The following HSD3B2 variants were observed in gnomAD, a reference collection of about 807,000 sequenced individuals.
HSD3B2 encodes 3 beta-hydroxysteroid dehydrogenase/Delta 5-->4-isomerase type 2.
HSD3B2 carries 8 observed loss-of-function variants against 9.9 expected under a neutral mutation model. That is an observed-to-expected ratio of 0.81 (90% confidence interval 0.47 to 1.46). HSD3B2 has a LOEUF of 1.46. HSD3B2 is among the 40% of genes most tolerant of loss of function. The pLI, the probability that HSD3B2 is intolerant of heterozygous loss-of-function variation, is 0.00. For missense variants in HSD3B2, 410 were observed against 448.3 expected, an observed-to-expected ratio of 0.91 and a Z score of 0.77; for synonymous variants, 221 against 184.5, an observed-to-expected ratio of 1.20 and a Z score of -1.60.
Position 119,422,895 on chromosome 1 carries a change from TC to T in HSD3B2, c.*276del, listed in dbSNP as rs1304695339. The T allele has an allele frequency of 1.7e-4, 95 of 547,054 alleles. No homozygotes were observed. Among genetic ancestry groups the T allele is most frequent in the African/African-American group, 1.4e-3 (75 of 53,214 alleles). 33.9% of individuals were successfully genotyped at this position (547,054 alleles called of 1,614,324 possible). On this transcript the variant is annotated 3_prime_UTR_variant, in exon 4 of 4. Coordinates refer to ENST00000369416, the MANE Select transcript of HSD3B2 (RefSeq NM_000198.4). The stretch of plus-strand genomic sequence containing the variant: ...GCTGATTCTGAACAATTGTGGTCTC[TC>T]TTAACTTGAGGTTCTCTTTTGACTA...
At chr1:119,415,232 C>T in intron 1 of HSD3B2, 30 bp downstream of exon 1, 1 of 618,936 alleles carries the variant, frequency 1.6e-6, no homozygotes, top group Non-Finnish European at 2.9e-6. Flanking sequence ...CTTTCAACTA[C>T]TCCTGGCAGT....
At chr1:119,421,406 T>C (rs1651854672) in intron 3 of HSD3B2, among the ~76,000 whole-genome samples, 1 of 39,876 alleles carries the variant, frequency 2.5e-5, no homozygotes, top group South Asian at 7.5e-4. Flanking sequence ...TATATATGTA[T>C]ATATATATAT....
upstream of HSD3B2, chr1:119,415,098 G>A (rs34508338): frequency 2.4e-3 from 931 of 380,294 alleles, 3 homozygotes; most frequent in Non-Finnish European, 3.5e-3. Flanking sequence ...AAGGTAATAA[G>A]GGCTGAGACA....
intron 2 of HSD3B2, 59 bp from the exon 3 acceptor site, chr1:119,419,359 A>G: frequency 1.9e-6 from 3 of 1,572,392 alleles, no homozygotes; most frequent in Non-Finnish European, 2.6e-6. Context: ...CGCCTTTATC[A>G]GAAAACTTCC....
chr1:119,419,619 T>G (rs770072076), intron 3 of HSD3B2, 37 bp downstream of exon 3: 29 of 1,591,130 alleles, frequency 1.8e-5, no homozygotes, highest in South Asian at 3.3e-5. Context: ...ACAAGTTGGT[T>G]AAATGAGGAT....
intron 2 of HSD3B2, among the ~76,000 whole-genome samples, chr1:119,418,565 A>G (rs1206096083): frequency 4.0e-5 from 6 of 151,892 alleles, no homozygotes; most frequent in Non-Finnish European, 5.9e-5. Context: ...TCTGTTTTAT[A>G]TCCTCAAGCC....
intron 3 of HSD3B2, 74 bp downstream of exon 3, chr1:119,419,656 G>T (rs763676935): frequency 5.8e-5 from 84 of 1,440,586 alleles, no homozygotes; most frequent in Non-Finnish European, 7.6e-5. Context: ...AAAGGGAAGA[G>T]AAGTCACTCC....
chr1:119,421,546 CCACA>C (rs1193221146), intron 3 of HSD3B2, among the ~76,000 whole-genome samples: 1 of 145,982 alleles, frequency 6.9e-6, no homozygotes, highest in Non-Finnish European at 1.5e-5. Flanking sequence ...CACACACACA[CCACA>C]CACAAACATA....
chr1:119,421,395 ATATATATGTATATATATATATG>A (rs1225841214), intron 3 of HSD3B2, among the ~76,000 whole-genome samples: 2,050 of 110,748 alleles, frequency 0.019, 94 homozygotes, highest in African/African-American at 0.077. Flanking sequence ...ATATATGTAT[ATATATATGTATATATATATATG>A]TATATATATG....
At chr1:119,421,684 A>T (rs1651880211) in intron 3 of HSD3B2, 125 bp from the exon 4 acceptor site, 35 of 1,069,878 alleles carry the variant, frequency 3.3e-5, no homozygotes, top group Non-Finnish European at 4.7e-5. Flanking sequence ...CCACAGAAGA[A>T]TGCACCCTGA....
Position 119,421,669 on chromosome 1 carries a change from C to T in HSD3B2, c.308-140C>T. On this transcript the variant is annotated intron_variant, in intron 3 of 3. Coordinates refer to ENST00000369416, the MANE Select transcript of HSD3B2 (RefSeq NM_000198.4). Reference sequence around the variant, plus strand: ...GGCTGTATCATGACCCAATCTCAGTCAGAGCCACAGAAGAATGCACCCTGA... The same window carrying T: ...GGCTGTATCATGACCCAATCTCAGTTAGAGCCACAGAAGAATGCACCCTGA... The T allele has an allele frequency of 5.2e-6, 5 of 959,640 alleles. 1 individual carries two copies. The South Asian group carries it at 6.5e-5, about 13-fold the overall frequency. 59.4% of individuals were successfully genotyped at this position (959,640 alleles called of 1,614,324 possible). A position where few individuals can be genotyped will look rare whatever the true frequency, so the allele number is the denominator to read the frequency against.
rs778303029 is a variant in HSD3B2, at chr1:119,415,455, G to A, written c.36G>A (p.Gly12=). ...GCTGCCTTGTGACAGGAGCAGGAGGGCTTCTGGGTCAGAGGATCGTCCGCC... is the reference window on the plus strand; with the variant it reads ...GCTGCCTTGTGACAGGAGCAGGAGGACTTCTGGGTCAGAGGATCGTCCGCC... ...GWSCLVTGAG[G]LLGQRIVRLL... Residue 12 remains glycine (G), a synonymous_variant, in exon 2 of 4, where the codon GGG becomes GGA. Coordinates refer to ENST00000369416, the MANE Select transcript of HSD3B2 (RefSeq NM_000198.4). 1.9e-6 allele frequency: 3 copies of A among 1,613,972 alleles called. No homozygotes were observed. The highest frequency in any genetic ancestry group is 3.3e-5 in the Admixed American group (2 of 60,002).
chr1:119,421,626 T>C (rs1570822144), intron 3 of HSD3B2, among the ~76,000 whole-genome samples, 183 bp from the exon 4 acceptor site: 1 of 151,340 alleles, frequency 6.6e-6, no homozygotes, highest in East Asian at 1.9e-4. Flanking sequence ...TTTCTTTTTA[T>C]TTTTGTGTTT....
chr1:119,419,730 A>G, intron 3 of HSD3B2, 148 bp downstream of exon 3: 1 of 786,380 alleles, frequency 1.3e-6, no homozygotes, highest in Non-Finnish European at 2.1e-6. Flanking sequence ...GGGGAGTTCA[A>G]GGCTGGTAAC....
At chr1:119,418,233 C>T (rs1015554552) in intron 2 of HSD3B2, among the ~76,000 whole-genome samples, 2 of 152,178 alleles carry the variant, frequency 1.3e-5, no homozygotes, top group African/African-American at 4.8e-5. Flanking sequence ...GCATTGCTAT[C>T]TGCTTTTTAT....
At position 119,415,311 on chromosome 1, in the gene HSD3B2, A is replaced by G. The variant is rs1320356680; in HGVS notation, c.-89-20A>G. 3.3e-6 allele frequency: 4 copies of G among 1,209,436 alleles called. No individual in the cohort carries two copies. Among genetic ancestry groups the G allele is most frequent in the East Asian group, 4.7e-5 (2 of 42,606 alleles). 74.9% of individuals were successfully genotyped at this position (1,209,436 alleles called of 1,614,324 possible). A position where few individuals can be genotyped will look rare whatever the true frequency, so the allele number is the denominator to read the frequency against. ...TAAGGCATCTGCTGAGTGTATAACC[A>G]TTTTACCTCTTGTTTTTAGCCCTCT... is the stretch of plus-strand genomic sequence containing the variant. On this transcript the variant is annotated intron_variant, in intron 1 of 3. Coordinates refer to ENST00000369416, the MANE Select transcript of HSD3B2 (RefSeq NM_000198.4).
intron 3 of HSD3B2, among the ~76,000 whole-genome samples, chr1:119,420,565 A>G (rs1247855047): frequency 6.6e-6 from 1 of 152,184 alleles, no homozygotes; most frequent in East Asian, 1.9e-4. Flanking sequence ...AGAAATGACA[A>G]GGGGAGTGTT....
At position 119,415,158 on chromosome 1, in the gene HSD3B2, A is replaced by G; in HGVS notation, c.-134A>G. On this transcript the variant is annotated 5_prime_UTR_variant, in exon 1 of 4. Transcript: ENST00000369416. The stretch of plus-strand genomic sequence containing the variant: ...GTCCTTCCTCCAGGGATGAGGCAGT[A>G]AGGACTTGGACTCCTCTGTCCAGCT... The G allele has an allele frequency of 2.2e-6, 1 of 452,968 alleles. No individual in the cohort carries two copies. Among genetic ancestry groups the G allele is most frequent in the Non-Finnish European group, 4.1e-6 (1 of 244,476 alleles). The allele number at this position is 452,968 out of a possible 1,614,324, so 28.1% of individuals were successfully genotyped here. A position where few individuals can be genotyped will look rare whatever the true frequency, so the allele number is the denominator to read the frequency against.
rs775901269 is a variant in HSD3B2, at chr1:119,422,539, G to C, written c.1038G>C (p.Glu346Asp). Residue 346 changes from glutamate to aspartate, a missense_variant, in exon 4 of 4, where the codon GAG (glutamate) becomes GAC (aspartate). Glu to Asp is a conservative substitution (Grantham distance 45). Transcript: ENST00000369416. ...CGTATAAGCCACTCTACAGCTGGGA[G>C]GAAGCCAAGCAGAAAACCGTGGAGT... ...DLAYKPLYSW[E>D]EAKQKTVEWV... 6.2e-7 allele frequency: 1 copy of C among 1,614,020 alleles called. No homozygotes were observed. Among genetic ancestry groups the C allele is most frequent in the African/African-American group, 1.3e-5 (1 of 74,932 alleles).
Sources: gnomAD v4.1 joint callset for allele counts (sites outside exome capture counted in the v4.1 genomes callset) on GRCh38, gnomAD v4.1.1 for gene constraint, MANE v1.5 for transcripts, NCBI Gene and HGNC (gene_info 2026-07-23, HGNC 2026-07-21) for gene names.